Variants in RPL12 observed in about 807,000 individuals in gnomAD.
RPL12 encodes the protein large ribosomal subunit protein uL11.
RPL12 carries 10 observed loss-of-function variants against 24.5 expected under a neutral mutation model. That is an observed-to-expected ratio of 0.41 (90% CI 0.25 to 0.69). The LOEUF (loss-of-function observed/expected upper bound fraction) is 0.69. Among genes scored for constraint, RPL12 ranks in the 30% least tolerant of loss-of-function variants. The pLI is 0.33. For synonymous variants in RPL12, 74 were observed against 76.1 expected (o/e 0.97, Z 0.14); for missense variants, 137 against 205.3 (o/e 0.67, Z 2.03).
Position 127,448,325 on chromosome 9 carries a change from T to C in RPL12, c.379+12A>G. The C allele has an allele frequency of 6.3e-6, 10 of 1,594,718 alleles. No homozygotes were observed. Among genetic ancestry groups the C allele is most frequent in the Non-Finnish European group, 8.6e-6 (10 of 1,162,370 alleles). ...CTACAGTTATGGCGGTTACATGTTG[T>C]CCTGCTCTTACCAGAGAGTTCTCTG... On this transcript the variant is annotated intron_variant, in intron 5 of 6. Coordinates refer to ENST00000361436, the MANE Select transcript of RPL12 (RefSeq NM_000976.4).
At position 127,449,262 on chromosome 9, in the gene RPL12, T is replaced by C; in HGVS notation, c.292+19A>G. The C allele has an allele frequency of 6.2e-7, 1 of 1,605,918 alleles. No individual in the cohort carries two copies. The highest frequency in any genetic ancestry group is 8.5e-7 in the Non-Finnish European group (1 of 1,175,746). ...TCACAAACCATTACCAAAACCAAAC[T>C]AGGGAAAAGACAACTTACTGTTTTT... On this transcript the variant is annotated intron_variant, in intron 4 of 6. Transcript: ENST00000361436.
intron 1 of RPL12, 149 bp from the exon 2 acceptor site, chr9:127,450,953 TG>T (rs1336036501): frequency 2.2e-5 from 15 of 690,014 alleles, no homozygotes; most frequent in Non-Finnish European, 3.4e-5. Flanking sequence ...CCCTCGGGTG[TG>T]GGCAGCTCCG....
rs1308110753 is a variant in RPL12 at position 127,451,267 on chromosome 9, A to C, written c.37+14T>G. 6.2e-7 allele frequency: 1 copy of C among 1,612,604 alleles called. No individual in the cohort carries two copies. Among genetic ancestry groups the C allele is most frequent in the Admixed American group, 1.7e-5 (1 of 59,984 alleles). The stretch of plus-strand genomic sequence containing the variant: ...GCTCCATCCCGCAGCCCCGGCCACA[A>C]CCAGAGCACGCACCGACTTTGATCT... On this transcript the variant is annotated intron_variant, in intron 1 of 6. Transcript: ENST00000361436.
rs770575415 is a variant in RPL12 at position 127,447,954 on chromosome 9, C to G, written c.415G>C (p.Val139Leu). 1.2e-6 allele frequency: 2 copies of G among 1,613,538 alleles called. No individual in the cohort carries two copies. The part of the protein sequence containing the change: ...IKEILGTAQS[V>L]GCNVDGRHPH... ...TGGCGGCCATCAACATTACAGCCCA[C>G]TGACTGGGCAGTCCCCAGGATCTCT... Residue 139 changes from valine to leucine, a missense_variant, in exon 6 of 7, where the codon GTG (valine) becomes CTG (leucine). Transcript: ENST00000361436.
chr9:127,447,922 A>T lies in RPL12; in HGVS notation c.447T>A (p.His149Gln), dbSNP rs780482920. The T allele has an allele frequency of 1.1e-5, 18 of 1,613,754 alleles. No individual in the cohort carries two copies. The highest frequency in any genetic ancestry group is 1.4e-5 in the Non-Finnish European group (17 of 1,179,964). The change falls in exon 6 of 7, where the codon CAT becomes CAA. Residue 149 changes from histidine (H) to glutamine (Q), a missense_variant. Transcript: ENST00000361436. The stretch of plus-strand genomic sequence containing the variant: ...CACTGTTGATGTCATCGATGATGTC[A>T]TGAGGATGGCGGCCATCAACATTAC... ...VGCNVDGRHP[H>Q]DIIDDINSGA...
intron 4 of RPL12, 51 bp from the exon 5 acceptor site, chr9:127,448,474 G>A (rs1205339576): frequency 8.6e-7 from 1 of 1,164,216 alleles, no homozygotes. Flanking sequence ...AGCCAAAGCA[G>A]ATCATGTGTC....
Position 127,451,273 on chromosome 9 carries a change from G to C in RPL12, c.37+8C>G. 1 of 1,613,100 alleles carries C rather than the reference G, an allele frequency of 6.2e-7. No homozygotes were observed. Among genetic ancestry groups the C allele is most frequent in the Non-Finnish European group, 8.5e-7 (1 of 1,179,768 alleles). On this transcript the variant is annotated splice_region_variant and intron_variant, in intron 1 of 6. Coordinates refer to ENST00000361436, the MANE Select transcript of RPL12 (RefSeq NM_000976.4). Reference sequence around the variant, plus strand: ...TCCCGCAGCCCCGGCCACAACCAGAGCACGCACCGACTTTGATCTCGTTGG... The same window carrying C: ...TCCCGCAGCCCCGGCCACAACCAGACCACGCACCGACTTTGATCTCGTTGG...
chr9:127,450,876 G>T, intron 1 of RPL12, 72 bp from the exon 2 acceptor site: 1 of 1,155,836 alleles, frequency 8.7e-7, no homozygotes, highest in Non-Finnish European at 1.2e-6. Flanking sequence ...GTCTTTCCGG[G>T]GTTGGACACG....
rs1834309345 is a variant in RPL12, at chr9:127,451,351, T to G, written c.-34A>C. The stretch of plus-strand genomic sequence containing the variant: ...CGGCTGGTGTCGGATGAACCCGGAT[T>G]CGGGACGACCGAAGGAAGTTGCACC... On this transcript the variant is annotated 5_prime_UTR_variant, in exon 1 of 7. Transcript: ENST00000361436. 1 of 1,610,834 alleles carries G rather than the reference T, an allele frequency of 6.2e-7. No individual in the cohort carries two copies. Among genetic ancestry groups the G allele is most frequent in the African/African-American group, 1.3e-5 (1 of 74,808 alleles).
At chr9:127,448,666 C>G in intron 4 of RPL12, 1 of 729,962 alleles carries the variant, frequency 1.4e-6, no homozygotes, top group Non-Finnish European at 2.5e-6. Context: ...ACAAATCTGA[C>G]ATGGCAGAAA....
intron 2 of RPL12, 133 bp downstream of exon 2, chr9:127,450,598 G>A (rs1235171703): frequency 3.2e-6 from 2 of 633,916 alleles, no homozygotes; most frequent in East Asian, 3.1e-5. Context: ...CCTAGTACTT[G>A]TTCAGTGGCT....
intron 4 of RPL12, 139 bp downstream of exon 4, chr9:127,449,142 C>A: frequency 1.5e-6 from 1 of 653,930 alleles, no homozygotes; most frequent in South Asian, 1.8e-5. Context: ...TTTCATACTA[C>A]CTGGCTCTAG....
chr9:127,451,230 G>A, intron 1 of RPL12, 51 bp downstream of exon 1: 1 of 1,602,068 alleles, frequency 6.2e-7, no homozygotes, highest in Admixed American at 1.7e-5. Context: ...ACGCGCGGCA[G>A]GGCCGAGGGA....
intron 5 of RPL12, 47 bp from the exon 6 acceptor site, chr9:127,448,036 C>A (rs1307407116): frequency 1.9e-6 from 3 of 1,559,958 alleles, no homozygotes; most frequent in Non-Finnish European, 2.6e-6. Flanking sequence ...CTCAGTCCCT[C>A]ACAATCTGCA....
chr9:127,450,944 C>CG, intron 1 of RPL12, 140 bp from the exon 2 acceptor site: 1 of 722,446 alleles, frequency 1.4e-6, no homozygotes, highest in Non-Finnish European at 2.3e-6. Context: ...CCCGCTCCTC[C>CG]CTCGGGTGTG....
At chr9:127,447,840 C>T in intron 6 of RPL12, 37 bp downstream of exon 6, 1 of 1,610,618 alleles carries the variant, frequency 6.2e-7, no homozygotes, top group Non-Finnish European at 8.5e-7. Context: ...GGTGGCCCCC[C>T]TTTCACCCCT....
intron 3 of RPL12, 66 bp from the exon 4 acceptor site, chr9:127,449,428 A>C: frequency 6.8e-7 from 1 of 1,467,772 alleles, no homozygotes; most frequent in Non-Finnish European, 9.5e-7. Flanking sequence ...GCTGGCTCTC[A>C]AAAATCATGG....
chr9:127,451,205 C>T, intron 1 of RPL12, 76 bp downstream of exon 1: 4 of 1,570,778 alleles, frequency 2.5e-6, no homozygotes, highest in East Asian at 2.3e-5. Context: ...GAGCCCCATA[C>T]GGGGAAAGCT....
intron 1 of RPL12, 62 bp downstream of exon 1, chr9:127,451,219 C>G: frequency 6.3e-7 from 1 of 1,593,336 alleles, no homozygotes; most frequent in South Asian, 1.1e-5. Flanking sequence ...GAAAGCTTTG[C>G]ACGCGCGGCA....
Sources: gnomAD v4.1 joint callset for allele counts on GRCh38, gnomAD v4.1.1 for gene constraint, MANE v1.5 for transcripts, NCBI Gene and HGNC (gene_info 2026-07-23, HGNC 2026-07-21) for gene names.